The following CARNMT1 variants were observed in gnomAD, a reference collection of about 807,000 sequenced individuals.
CARNMT1 encodes protein-L-histidine N-pros-methyltransferase CARNMT1.
A neutral mutation model predicts 49.6 loss-of-function variants in CARNMT1; 28 were observed. That is an observed-to-expected ratio of 0.56 (90% CI 0.42 to 0.77). The LOEUF is 0.77. CARNMT1 is among the 30% of genes least tolerant of loss of function. The pLI is 0.00. For missense variants in CARNMT1, 421 were observed against 512.6 expected, an observed-to-expected ratio of 0.82 and a Z score of 1.73; for synonymous variants, 178 against 175.0, an observed-to-expected ratio of 1.02 and a Z score of -0.13.
At chr9:75,016,922 A>C (rs1004278852) in intron 2 of CARNMT1, 11 of 374,462 alleles carry the variant, frequency 2.9e-5, no homozygotes, top group East Asian at 1.7e-4. Flanking sequence ...GACACTGAAA[A>C]AATATGAGTT....
chr9:74,990,557 T>C (rs1447323645), intron 6 of CARNMT1, among the ~76,000 whole-genome samples: 2 of 152,234 alleles, frequency 1.3e-5, no homozygotes, highest in Non-Finnish European at 1.5e-5. Flanking sequence ...ACATGATTTT[T>C]ACAGACGGAC....
intron 2 of CARNMT1, chr9:75,016,692 C>T (rs1045439167): frequency 1.8e-5 from 7 of 394,270 alleles, no homozygotes; most frequent in Non-Finnish European, 3.2e-5. Context: ...GAGGACCAAA[C>T]TGAGCTGCTA....
chr9:74,983,943 G>A (rs765411795), intron 7 of CARNMT1, 75 bp from the exon 8 acceptor site: 22 of 921,932 alleles, frequency 2.4e-5, no homozygotes, highest in Middle Eastern at 5.5e-4. Context: ...GAGCACATAT[G>A]TATCAGTGGC....
chr9:75,025,182 G>A (rs539306608), intron 1 of CARNMT1, among the ~76,000 whole-genome samples: 11 of 152,288 alleles, frequency 7.2e-5, no homozygotes, highest in Non-Finnish European at 1.5e-4. Context: ...CTTCTTGGGA[G>A]CACCTGCAGC....
intron 3 of CARNMT1, among the ~76,000 whole-genome samples, chr9:75,005,892 A>G (rs973568363): frequency 3.3e-5 from 5 of 151,368 alleles, no homozygotes; most frequent in Non-Finnish European, 5.9e-5. Flanking sequence ...GCTAGCTGAC[A>G]TAAATTTGTG....
At chr9:74,996,121 T>C (rs1024747749) in intron 6 of CARNMT1, 2 of 177,534 alleles carry the variant, frequency 1.1e-5, no homozygotes. Context: ...GAGAACACTC[T>C]CTTCCTAACA....
chr9:75,028,318 T>C, upstream of CARNMT1: 1 of 1,316,874 alleles, frequency 7.6e-7, no homozygotes, highest in Non-Finnish European at 9.6e-7. Flanking sequence ...TTGGCCTTCC[T>C]CTAGACGGCG....
At chr9:74,983,952 G>A in intron 7 of CARNMT1, 84 bp from the exon 8 acceptor site, 1 of 801,460 alleles carries the variant, frequency 1.2e-6, no homozygotes, top group East Asian at 2.7e-5. Context: ...TGTATCAGTG[G>A]CAGGCACTAT....
chr9:75,026,373 C>T (rs1197676459), intron 1 of CARNMT1, among the ~76,000 whole-genome samples: 3 of 152,172 alleles, frequency 2.0e-5, no homozygotes, highest in African/African-American at 7.2e-5. Flanking sequence ...TACAACTACG[C>T]ACTTAACTAA....
intron 3 of CARNMT1, among the ~76,000 whole-genome samples, chr9:75,002,021 A>C (rs900862477): frequency 2.6e-5 from 4 of 152,216 alleles, no homozygotes; most frequent in Non-Finnish European, 5.9e-5. Context: ...TTACCTAGTT[A>C]ATAAGGCCCA....
intron 1 of CARNMT1, chr9:75,027,555 G>T: frequency 1.3e-6 from 1 of 776,214 alleles, no homozygotes; most frequent in Non-Finnish European, 1.6e-6. Context: ...GTAACAGTTT[G>T]GGAAAATACG....
Position 74,983,868 on chromosome 9 carries a change from C to T in CARNMT1, c.1129G>A (p.Val377Met). 1 of 1,585,752 alleles carries T rather than the reference C, an allele frequency of 6.3e-7. No individual in the cohort carries two copies. Among genetic ancestry groups the T allele is most frequent in the East Asian group, 2.2e-5 (1 of 44,472 alleles). The change falls in exon 8 of 8, where the codon GTG becomes ATG. Residue 377 changes from valine to methionine, a missense_variant and splice_region_variant. Val to Met is a conservative substitution (Grantham distance 21). Coordinates refer to ENST00000376834, the MANE Select transcript of CARNMT1 (RefSeq NM_152420.3). The part of the protein sequence containing the change: ...VVLQYGFKVE[V>M]EKESVLSTYT... ...GTTGACAATACAGATTCTTTTTCCA[C>T]CTGCAATGCAAACAATAATCATAAT... is the stretch of plus-strand genomic sequence containing the variant.
intron 6 of CARNMT1, among the ~76,000 whole-genome samples, chr9:74,993,460 C>T (rs1158004668): frequency 6.6e-6 from 1 of 152,078 alleles, no homozygotes; most frequent in African/African-American, 2.4e-5. Context: ...GGGAGTCTTA[C>T]AGGAACAGAT....
intron 1 of CARNMT1, among the ~76,000 whole-genome samples, chr9:75,024,282 C>T (rs1053937684): frequency 6.6e-6 from 1 of 152,230 alleles, no homozygotes; most frequent in Admixed American, 6.5e-5. Flanking sequence ...TATAACTCCT[C>T]ATTAATGCAC....
At chr9:75,027,807 G>A (rs944847441) in intron 1 of CARNMT1, among the ~76,000 whole-genome samples, 2 of 152,218 alleles carry the variant, frequency 1.3e-5, no homozygotes, top group Non-Finnish European at 2.9e-5. Flanking sequence ...TGCAGCAGAC[G>A]GCGCGGCGGA....
chr9:75,028,018 T>C lies in CARNMT1; in HGVS notation c.224A>G (p.Tyr75Cys), dbSNP rs1822581884. 2 of 1,569,268 alleles carry C rather than the reference T, an allele frequency of 1.3e-6. No homozygotes were observed. Among genetic ancestry groups the C allele is most frequent in the East Asian group, 2.6e-5 (1 of 38,964 alleles). The change falls in exon 1 of 8, where the codon TAC (tyrosine) becomes TGC (cysteine). Residue 75 changes from tyrosine (Y) to cysteine (C), a missense_variant. Physicochemically the swap from Tyr to Cys is radical, Grantham distance 194. Coordinates refer to ENST00000376834, the MANE Select transcript of CARNMT1 (RefSeq NM_152420.3). The stretch of plus-strand genomic sequence containing the variant: ...TCCGCCACGGGCTCCTTACCCGTAG[T>C]AGCGGAAGGCATTAATGATCTTCCA... ...HFWKIINAFR[Y>C]YGTSMHERVN...
chr9:75,028,237 T>C lies in CARNMT1; in HGVS notation c.5A>G (p.Gln2Arg). 2 of 1,379,276 alleles carry C rather than the reference T, an allele frequency of 1.5e-6. No individual in the cohort carries two copies. Among genetic ancestry groups the C allele is most frequent in the African/African-American group, 1.5e-5 (1 of 65,074 alleles). The allele number at this position is 1,379,276 out of a possible 1,614,324, so 85.4% of individuals were successfully genotyped here. ...GGGCGGCGGAGGGCGACGCCGTCGC[T>C]GCATCGCCGCCGCGGCCCTCGGCCT... is the stretch of plus-strand genomic sequence containing the variant. M[Q>R]RRRRPPPPTS... Residue 2 changes from glutamine to arginine, a missense_variant, in exon 1 of 8, where the codon CAG becomes CGG. Gln to Arg is a conservative substitution (Grantham distance 43). Around this residue, in one of 2 missense-constraint regions of CARNMT1, gnomAD observed 186 missense variants for 167.9 expected, o/e 1.11. Coordinates refer to ENST00000376834, the MANE Select transcript of CARNMT1 (RefSeq NM_152420.3).
intron 5 of CARNMT1, among the ~76,000 whole-genome samples, chr9:74,997,058 G>T (rs1256530572): frequency 6.6e-6 from 1 of 152,156 alleles, no homozygotes; most frequent in East Asian, 1.9e-4. Context: ...GGGAGCCAGG[G>T]GCAGGCAGAA....
Position 75,003,339 on chromosome 9 carries a change from C to A in CARNMT1, c.591-3469G>T, listed in dbSNP as rs1007802095. ...ATAGTTTACATACCAAGGTTCTTCA[C>A]TTCGCGTCATTCACTTAACACAGGT... is the stretch of plus-strand genomic sequence containing the variant. On this transcript the variant is annotated intron_variant, in intron 3 of 7. Transcript: ENST00000376834. 9.8e-5 allele frequency among the ~76,000 whole-genome samples: 15 copies of A among 152,350 alleles called. 1 individual carries two copies. In the South Asian group the frequency reaches 3.1e-3, roughly 32 times the overall value.
Sources: gnomAD v4.1 joint callset for allele counts (sites outside exome capture counted in the v4.1 genomes callset) on GRCh38, gnomAD v4.1.1 for gene constraint, gnomAD v4.1.1 regional missense constraint, MANE v1.5 for transcripts, NCBI Gene and HGNC (gene_info 2026-07-23, HGNC 2026-07-21) for gene names.